L2HGDH: variants seen among roughly 807,000 people sequenced by gnomAD.
The protein encoded by L2HGDH is L-2-hydroxyglutarate dehydrogenase, mitochondrial.
L2HGDH carries 34 observed loss-of-function variants against 51.5 expected under a neutral mutation model. That is an observed-to-expected ratio of 0.66 (90% CI 0.50 to 0.88). L2HGDH has a LOEUF of 0.88. L2HGDH is among the 40% of genes least tolerant of loss of function. The pLI is 0.00. For missense variants in L2HGDH, 558 were observed against 571.9 expected (o/e 0.98, Z 0.25); for synonymous variants, 198 against 197.9 (o/e 1.00, Z -0.01).
At chr14:50,286,438 T>C (rs1290656216) in intron 4 of L2HGDH, among the ~76,000 whole-genome samples, 2 of 152,194 alleles carry the variant, frequency 1.3e-5, no homozygotes, top group Non-Finnish European at 2.9e-5. Flanking sequence ...TCCCCGATGA[T>C]ACTTGGTTTT....
chr14:50,271,112 C>A (rs1228017649), intron 6 of L2HGDH, among the ~76,000 whole-genome samples: 1 of 152,132 alleles, frequency 6.6e-6, no homozygotes, highest in African/African-American at 2.4e-5. Context: ...CCTGCCTAAA[C>A]GAACAGCTGG....
In L2HGDH at chr14:50,302,942, T is replaced by C. The variant is rs2139215566; in HGVS notation, c.216A>G (p.Pro72=). 1.2e-6 allele frequency: 2 copies of C among 1,614,010 alleles called. No individual in the cohort carries two copies. Among genetic ancestry groups the C allele is most frequent in the Non-Finnish European group, 1.7e-6 (2 of 1,179,870 alleles). Residue 72 remains proline (P), a synonymous_variant, in exon 2 of 10, where the codon CCA becomes CCG. Transcript: ENST00000267436. ...ASARALILRH[P]SLSIGVLEKE... ...TTTCCAGAACACCAATAGAAAGTGA[T>C]GGATGTCGCAGGATGAGTGCTCTGG...
intron 9 of L2HGDH, among the ~76,000 whole-genome samples, chr14:50,261,052 G>A (rs1308051342): frequency 6.6e-6 from 1 of 152,040 alleles, no homozygotes; most frequent in Admixed American, 6.6e-5. Flanking sequence ...GGGAGGCAGA[G>A]GTTGCAGTGA....
rs34597714 is a variant in L2HGDH at position 50,266,143 on chromosome 14, C to CAA, written c.1065-656_1065-655dup. Among the ~76,000 whole-genome samples the CAA allele has an allele frequency of 7.7e-3, 1,050 of 136,920 alleles. 7 individuals carry two copies. The highest frequency in any genetic ancestry group is 0.019 in the Middle Eastern group (5 of 264). The allele number at this position is 136,920 out of a possible 152,430, so 89.8% of individuals were successfully genotyped here. A position where few individuals can be genotyped will look rare whatever the true frequency, so the allele number is the denominator to read the frequency against. ...CCTGGGCAACAGTGAAACTTTGACT[C>CAA]AAAAAAAAAAAAAAATACAGAGGTA... is the stretch of plus-strand genomic sequence containing the variant. On this transcript the variant is annotated intron_variant, in intron 8 of 9. Transcript: ENST00000267436.
At chr14:50,256,245 T>G (rs1372224105) in intron 9 of L2HGDH, among the ~76,000 whole-genome samples, 1 of 152,154 alleles carries the variant, frequency 6.6e-6, no homozygotes, top group Non-Finnish European at 1.5e-5. Context: ...CCAGGCATAG[T>G]GGCTCATGCC....
In L2HGDH at chr14:50,294,122, T is replaced by A. The variant is rs770542189; in HGVS notation, c.533A>T (p.Tyr178Phe). Reference sequence around the variant, plus strand: ...CCTTTGTTAATCACTTACCCTACAATATGGCTCCTTCTTTTTTATATCCTC... The same window carrying A: ...CCTTTGTTAATCACTTACCCTACAAAATGGCTCCTTCTTTTTTATATCCTC... ...QQEDIKKKEP[Y>F]CRGLMAIDCP... The change falls in exon 4 of 10, where the codon TAT (tyrosine) becomes TTT (phenylalanine). Residue 178 changes from tyrosine (Y) to phenylalanine (F), a missense_variant. Physicochemically the swap from Tyr to Phe is conservative, Grantham distance 22. Coordinates refer to ENST00000267436, the MANE Select transcript of L2HGDH (RefSeq NM_024884.3). 1.5e-5 allele frequency: 24 copies of A among 1,613,836 alleles called. No individual in the cohort carries two copies. In the Admixed American group the frequency reaches 2.2e-4, roughly 15 times the overall value.
chr14:50,251,696 C>T (rs951485032), intron 9 of L2HGDH, among the ~76,000 whole-genome samples: 21 of 152,052 alleles, frequency 1.4e-4, no homozygotes, highest in African/African-American at 4.6e-4. Flanking sequence ...GGAAACCTTA[C>T]AGGCCAGGAG....
At position 50,243,826 on chromosome 14, in the gene L2HGDH, T is replaced by TC. The variant is rs1158699443; in HGVS notation, c.*3231dup. On this transcript the variant is annotated 3_prime_UTR_variant, in exon 10 of 10. Coordinates refer to ENST00000267436, the MANE Select transcript of L2HGDH (RefSeq NM_024884.3). ...TAGGTATATCTCCTAATGCTATCCC[T>TC]CCCCCCTCCCCCCACCCCACAACAG... 2.3e-5 allele frequency: 2 copies of TC among 86,638 alleles called. No individual in the cohort carries two copies. The highest frequency in any genetic ancestry group is 5.3e-3 in the Middle Eastern group (1 of 190). The allele number at this position is 86,638 out of a possible 1,614,324, so 5.4% of individuals were successfully genotyped here.
intron 6 of L2HGDH, among the ~76,000 whole-genome samples, chr14:50,277,842 TAA>T (rs1890060652): frequency 6.6e-6 from 1 of 150,696 alleles, no homozygotes; most frequent in African/African-American, 2.4e-5. Context: ...GTGGCAGAAG[TAA>T]ATCAGCAGGT....
chr14:50,278,213 TATAGAGAGTTA>T (rs756496050), intron 6 of L2HGDH, among the ~76,000 whole-genome samples: 1 of 152,194 alleles, frequency 6.6e-6, no homozygotes, highest in Non-Finnish European at 1.5e-5. Flanking sequence ...TCTTCTGATT[TATAGAGAGTTA>T]ATAAGTTAGT....
rs145656270 is a variant in L2HGDH, at chr14:50,265,503, A to G, written c.1065-14T>C. 1.2e-6 allele frequency: 2 copies of G among 1,608,854 alleles called. No homozygotes were observed. The highest frequency in any genetic ancestry group is 1.3e-5 in the African/African-American group (1 of 74,778). On this transcript the variant is annotated splice_polypyrimidine_tract_variant and intron_variant, in intron 8 of 9. Transcript: ENST00000267436. ...TTAATCAAGCCACTGAAAACAGAGA[A>G]AAAAAATCTTTATGAGAGAAAGGAA...
In L2HGDH at chr14:50,242,583, T is replaced by G; in HGVS notation, c.*4475A>C. ...GGTTGGTATCAACACTGTTCTTCCC[T>G]TCAGGGCTTCAGGGTTTATTTCCAT... On this transcript the variant is annotated 3_prime_UTR_variant, in exon 10 of 10. Transcript: ENST00000267436. The G allele has an allele frequency of 2.0e-6, 2 of 984,840 alleles. No homozygotes were observed. The highest frequency in any genetic ancestry group is 2.4e-6 in the Non-Finnish European group (2 of 829,408). 61.0% of individuals were successfully genotyped at this position (984,840 alleles called of 1,614,324 possible).
Position 50,243,441 on chromosome 14 carries a change from T to C in L2HGDH, c.*3617A>G. ...ATAAAAAAATTTATTTGCATAAAAGTTTTTATGGAACTAAAAAATATGTTC... is the reference window on the plus strand; with the variant it reads ...ATAAAAAAATTTATTTGCATAAAAGCTTTTATGGAACTAAAAAATATGTTC... On this transcript the variant is annotated 3_prime_UTR_variant, in exon 10 of 10. Coordinates refer to ENST00000267436, the MANE Select transcript of L2HGDH (RefSeq NM_024884.3). 1 of 907,576 alleles carries C rather than the reference T, an allele frequency of 1.1e-6. No homozygotes were observed. The highest frequency in any genetic ancestry group is 1.3e-6 in the Non-Finnish European group (1 of 759,340). 56.2% of individuals were successfully genotyped at this position (907,576 alleles called of 1,614,324 possible).
intron 9 of L2HGDH, among the ~76,000 whole-genome samples, chr14:50,259,925 T>C (rs1404452218): frequency 6.6e-6 from 1 of 150,958 alleles, no homozygotes; most frequent in African/African-American, 2.4e-5. Flanking sequence ...TCTCTCTAAT[T>C]TACTTGAATT....
At chr14:50,257,369 T>C (rs34406951) in intron 9 of L2HGDH, among the ~76,000 whole-genome samples, 17 of 140,788 alleles carry the variant, frequency 1.2e-4, no homozygotes. Flanking sequence ...AGGTTTTTCC[T>C]TTAATTTTTT....
chr14:50,283,787 C>A, intron 5 of L2HGDH, 84 bp downstream of exon 5: 1 of 1,102,028 alleles, frequency 9.1e-7, no homozygotes, highest in Non-Finnish European at 1.4e-6. Context: ...TATTTTTCAT[C>A]CTCAGTTGGT....
intron 3 of L2HGDH, among the ~76,000 whole-genome samples, chr14:50,297,821 AGTG>A (rs746901819): frequency 6.6e-6 from 1 of 152,154 alleles, no homozygotes; most frequent in Non-Finnish European, 1.5e-5. Flanking sequence ...GGCCAGGCAT[AGTG>A]GTTCACACCT....
chr14:50,268,016 T>C lies in L2HGDH; in HGVS notation c.907-106A>G, dbSNP rs1292045931. On this transcript the variant is annotated intron_variant, in intron 7 of 9. Transcript: ENST00000267436. ...AAACACTTTCTTCTCATGCATTTAA[T>C]TTGTATTGTGAGCTGTACTCAGATA... The C allele has an allele frequency of 2.8e-6, 3 of 1,089,702 alleles. No homozygotes were observed. The African/African-American group carries it at 4.6e-5, about 17-fold the overall frequency. The allele number at this position is 1,089,702 out of a possible 1,614,324, so 67.5% of individuals were successfully genotyped here. A position where few individuals can be genotyped will look rare whatever the true frequency, so the allele number is the denominator to read the frequency against.
At chr14:50,278,413 A>T (rs368280801) in intron 6 of L2HGDH, 107 bp downstream of exon 6, 2 of 612,838 alleles carry the variant, frequency 3.3e-6, no homozygotes, top group South Asian at 1.8e-5. Flanking sequence ...GAATTACATT[A>T]GACAAATGTC....
Sources: gnomAD v4.1 joint callset for allele counts (sites outside exome capture counted in the v4.1 genomes callset) on GRCh38, gnomAD v4.1.1 for gene constraint, MANE v1.5 for transcripts, NCBI Gene and HGNC (gene_info 2026-07-23, HGNC 2026-07-21) for gene names.